ADAMTS20: variants seen among roughly 807,000 people sequenced by gnomAD.
The protein encoded by ADAMTS20 is ADAM metallopeptidase with thrombospondin type 1 motif 20, also known as A disintegrin and metalloproteinase with thrombospondin motifs 20.
In ADAMTS20, 225 loss-of-function variants were observed where a neutral mutation model predicts 260.1. That is an observed-to-expected ratio of 0.87 (90% CI 0.78 to 0.97). ADAMTS20 has a LOEUF of 0.97. ADAMTS20 is among the 50% of genes least tolerant of loss of function. ADAMTS20 has a pLI of 0.00. For missense variants in ADAMTS20, 2,400 were observed against 2,337.7 expected, an observed-to-expected ratio of 1.03 and a Z score of -0.55; for synonymous variants, 802 against 769.5, an observed-to-expected ratio of 1.04 and a Z score of -0.70.
chr12:43,383,292 G>A (rs1041770074), intron 31 of ADAMTS20, among the ~76,000 whole-genome samples: 4 of 151,998 alleles, frequency 2.6e-5, no homozygotes, highest in Admixed American at 6.6e-5. Context: ...ACAACTGTAC[G>A]GTGCCAGTTT....
Position 43,428,380 on chromosome 12 carries a change from T to C in ADAMTS20, c.3806A>G (p.His1269Arg). The C allele has an allele frequency of 1.2e-6, 2 of 1,613,790 alleles. No homozygotes were observed. The highest frequency in any genetic ancestry group is 1.7e-6 in the Non-Finnish European group (2 of 1,179,860). Residue 1269 changes from histidine to arginine, a missense_variant, in exon 26 of 39, where the codon CAC (histidine) becomes CGC (arginine). Transcript: ENST00000389420. ...TGGCTGCACAGGGGAACTAGGAAAG[T>C]GGCTGTGTGCAGGAGGGCAGGCTGC... ...SLAACPPAHSHFPSSPVQPSY... is the reference protein window; with the variant it reads ...SLAACPPAHSRFPSSPVQPSY...
chr12:43,464,036 A>G (rs888886666), intron 10 of ADAMTS20, among the ~76,000 whole-genome samples: 1 of 152,156 alleles, frequency 6.6e-6, no homozygotes, highest in Non-Finnish European at 1.5e-5. Context: ...AGAAAATCAT[A>G]ATTATAGATC....
intron 3 of ADAMTS20, among the ~76,000 whole-genome samples, chr12:43,529,440 G>A (rs1263664845): frequency 2.0e-5 from 3 of 151,972 alleles, no homozygotes; most frequent in African/African-American, 7.3e-5. Context: ...AAGAAAATGT[G>A]GTACATATAC....
At position 43,430,453 on chromosome 12, in the gene ADAMTS20, G is replaced by A. The variant is rs184379034; in HGVS notation, c.3280C>T (p.His1094Tyr). 6.2e-7 allele frequency: 1 copy of A among 1,612,394 alleles called. No homozygotes were observed. Among genetic ancestry groups the A allele is most frequent in the South Asian group, 1.1e-5 (1 of 90,852 alleles). Residue 1094 changes from histidine (H) to tyrosine (Y), a missense_variant, in exon 23 of 39, where the codon CAT (histidine) becomes TAT (tyrosine). His to Tyr is a moderately conservative substitution (Grantham distance 83, BLOSUM62 2). Coordinates refer to ENST00000389420, the MANE Select transcript of ADAMTS20 (RefSeq NM_025003.5). ...PWGPCTTTCG[H>Y]GYQMRDVKCV... ...TTAACATCTCGCATCTGATACCCAT[G>A]TCCACATGTGGTTGTGCACTGAAAG...
At chr12:43,365,361 G>T (rs149877947) in intron 37 of ADAMTS20, among the ~76,000 whole-genome samples, 1 of 151,942 alleles carries the variant, frequency 6.6e-6, no homozygotes, top group South Asian at 2.1e-4. Context: ...TATAAAATAC[G>T]CTATAATTGC....
At chr12:43,525,262 A>C (rs1259484624) in intron 3 of ADAMTS20, among the ~76,000 whole-genome samples, 1 of 152,224 alleles carries the variant, frequency 6.6e-6, no homozygotes, top group East Asian at 1.9e-4. Flanking sequence ...TCAGTTAACA[A>C]TTTTGTATCC....
At chr12:43,452,053 A>G (rs1255248027) in intron 14 of ADAMTS20, among the ~76,000 whole-genome samples, 6 of 152,192 alleles carry the variant, frequency 3.9e-5, no homozygotes, top group South Asian at 4.1e-4. Flanking sequence ...AAAGTCATCA[A>G]ATTTATCTTA....
chr12:43,487,148 A>T (rs1404380475), intron 7 of ADAMTS20, among the ~76,000 whole-genome samples: 2 of 152,154 alleles, frequency 1.3e-5, no homozygotes, highest in Non-Finnish European at 2.9e-5. Context: ...CACAATTCAC[A>T]ACTGCAAAAA....
rs574033617 is a variant in ADAMTS20 at position 43,513,949 on chromosome 12, T to C, written c.614-11544A>G. ...GGGGGAGGGATAGCATTAGGAGATA[T>C]ACCTAATGTTAAATGACGAGTTAAT... On this transcript the variant is annotated intron_variant, in intron 3 of 38. Transcript: ENST00000389420. 3.3e-5 allele frequency among the ~76,000 whole-genome samples: 5 copies of C among 150,030 alleles called. No homozygotes were observed. In the East Asian group the frequency reaches 1.0e-3, roughly 30 times the overall value.
chr12:43,449,064 A>G (rs117172333), intron 14 of ADAMTS20, among the ~76,000 whole-genome samples: 3,643 of 152,268 alleles, frequency 0.024, 68 homozygotes, highest in East Asian at 0.078. Flanking sequence ...ACCACTGTGG[A>G]AAGCAGTGTG....
At chr12:43,448,550 C>G (rs974667301) in intron 14 of ADAMTS20, among the ~76,000 whole-genome samples, 3 of 152,236 alleles carry the variant, frequency 2.0e-5, no homozygotes, top group East Asian at 3.9e-4. Context: ...GGAAGACAAC[C>G]TAGGCCATAC....
At position 43,514,133 on chromosome 12, in the gene ADAMTS20, C is replaced by G. The variant is rs1169642265; in HGVS notation, c.614-11728G>C. Among the ~76,000 whole-genome samples, 3 of 150,224 alleles carry G rather than the reference C, an allele frequency of 2.0e-5. No homozygotes were observed. The East Asian group carries it at 6.0e-4, about 30-fold the overall frequency. On this transcript the variant is annotated intron_variant, in intron 3 of 38. Transcript: ENST00000389420. Reference sequence around the variant, plus strand: ...AAAGTGAGGGATCATTTGTGTAGCCCTCTGCATTTTCTTTCACTATATTGA... The same window carrying G: ...AAAGTGAGGGATCATTTGTGTAGCCGTCTGCATTTTCTTTCACTATATTGA...
At chr12:43,482,788 C>A (rs936572680) in intron 7 of ADAMTS20, among the ~76,000 whole-genome samples, 25 of 152,190 alleles carry the variant, frequency 1.6e-4, no homozygotes, top group African/African-American at 5.8e-4. Flanking sequence ...TAACATAAGG[C>A]AAGCACAAAT....
intron 5 of ADAMTS20, among the ~76,000 whole-genome samples, 165 bp downstream of exon 5, chr12:43,493,005 A>C (rs1320121368): frequency 6.6e-6 from 1 of 152,142 alleles, no homozygotes; most frequent in African/African-American, 2.4e-5. Context: ...TTGTCATTCT[A>C]TTTTATTTCC....
At chr12:43,456,993 A>G (rs1190869552) in intron 11 of ADAMTS20, among the ~76,000 whole-genome samples, 1 of 152,238 alleles carries the variant, frequency 6.6e-6, no homozygotes, top group Non-Finnish European at 1.5e-5. Context: ...ATGGAGAATC[A>G]AAGAATAAGA....
At chr12:43,371,177 T>C (rs1453978059) in intron 36 of ADAMTS20, among the ~76,000 whole-genome samples, 1 of 152,228 alleles carries the variant, frequency 6.6e-6, no homozygotes, top group Admixed American at 6.5e-5. Flanking sequence ...TATTCTCTGA[T>C]ATCGCCAAAA....
chr12:43,409,618 A>AAAAAAAC (rs1940992104), intron 28 of ADAMTS20, among the ~76,000 whole-genome samples: 1 of 147,458 alleles, frequency 6.8e-6, no homozygotes, highest in African/African-American at 2.5e-5. Context: ...AAAAAAAAAA[A>AAAAAAAC]AAAAAAAAAA....
chr12:43,474,608 G>A (rs952506200), intron 7 of ADAMTS20, among the ~76,000 whole-genome samples: 11 of 106,134 alleles, frequency 1.0e-4, no homozygotes, highest in African/African-American at 3.3e-4. Context: ...CTGGCAAACC[G>A]AATCCAGCAG....
At chr12:43,472,354 G>A (rs899595904) in intron 7 of ADAMTS20, among the ~76,000 whole-genome samples, 24 of 150,180 alleles carry the variant, frequency 1.6e-4, no homozygotes, top group African/African-American at 3.2e-4. Context: ...CCAAATCTAC[G>A]TCTGATTGGT....
Sources: allele counts gnomAD v4.1 joint callset (sites outside exome capture counted in the v4.1 genomes callset), GRCh38; gene constraint gnomAD v4.1.1; transcripts MANE v1.5; gene names NCBI Gene and HGNC (gene_info 2026-07-23, HGNC 2026-07-21).